The following TENM3 variants were observed in gnomAD, a reference collection of about 807,000 sequenced individuals.
TENM3 encodes teneurin-3.
TENM3 carries 63 observed loss-of-function variants against 255.1 expected under a neutral mutation model. The ratio of observed to expected loss-of-function variants is 0.25; its 90% CI spans 0.20 to 0.30. The LOEUF (loss-of-function observed/expected upper bound fraction) is 0.30. TENM3 is among the 10% of genes least tolerant of loss of function. The pLI is 1.00. For missense variants in TENM3, 2,929 were observed against 3,461.1 expected (o/e 0.85, Z 3.86); for synonymous variants, 1,306 against 1,322.3 (o/e 0.99, Z 0.27).
At chr4:182,388,202 C>T (rs1329259972) in intron 3 of TENM3, among the ~76,000 whole-genome samples, 1 of 152,138 alleles carries the variant, frequency 6.6e-6, no homozygotes, top group African/African-American at 2.4e-5. Flanking sequence ...AAAGTTCCAT[C>T]GCCACTTCTC....
At chr4:181,974,011 G>A in the TENM3 span, among the ~76,000 whole-genome samples, 3 of 152,192 alleles carry the variant, frequency 2.0e-5, no homozygotes, top group East Asian at 5.8e-4. Context: ...CCTGTGAAAG[G>A]AGAGAGGGAA....
At chr4:181,916,667 A>G in the TENM3 span, among the ~76,000 whole-genome samples, 1 of 152,170 alleles carries the variant, frequency 6.6e-6, no homozygotes, top group African/African-American at 2.4e-5. Flanking sequence ...TCACGAGGTC[A>G]GGAGATCGAG....
intron 1 of TENM3, among the ~76,000 whole-genome samples, chr4:182,319,247 T>A (rs1391754549): frequency 6.6e-6 from 1 of 152,254 alleles, no homozygotes; most frequent in Middle Eastern, 3.2e-3. Context: ...GCAGTCACTA[T>A]CAAAGTGCTC....
chr4:182,600,804 A>T (rs750402995), intron 3 of TENM3, 120 bp from the exon 4 acceptor site: 9 of 505,792 alleles, frequency 1.8e-5, no homozygotes, highest in Non-Finnish European at 3.0e-5. Flanking sequence ...TTATGGATTT[A>T]TATGCAGTTT....
rs997512852 is a variant in TENM3, at chr4:182,574,131, C to T, written c.512-26793C>T. On this transcript the variant is annotated intron_variant, in intron 3 of 27. Coordinates refer to ENST00000511685, the MANE Select transcript of TENM3 (RefSeq NM_001080477.4). ...CTTTCTCATAATTTATCCCAACTCT[C>T]ATAATTTTTTATTACAACAAACTTG... is the stretch of plus-strand genomic sequence containing the variant. Among the ~76,000 whole-genome samples the T allele has an allele frequency of 8.5e-5, 13 of 152,226 alleles. No homozygotes were observed. The South Asian group carries it at 2.5e-3, about 29-fold the overall frequency.
chr4:182,801,507 T>C lies in TENM3; in HGVS notation c.*1156T>C, dbSNP rs1561277298. On this transcript the variant is annotated 3_prime_UTR_variant, in exon 28 of 28. Coordinates refer to ENST00000511685, the MANE Select transcript of TENM3 (RefSeq NM_001080477.4). ...GCAAGTCAATGGGGAGTTGTTGATA[T>C]AATTAACCCCGAGGTTTTTACTGTT... The C allele has an allele frequency of 6.6e-6, 1 of 152,210 alleles. No homozygotes were observed. Among genetic ancestry groups the C allele is most frequent in the Non-Finnish European group, 1.5e-5 (1 of 68,032 alleles). 9.4% of individuals were successfully genotyped at this position (152,210 alleles called of 1,614,324 possible).
the TENM3 span, among the ~76,000 whole-genome samples, chr4:182,103,222 G>T: frequency 6.6e-6 from 1 of 152,160 alleles, no homozygotes; most frequent in African/African-American, 2.4e-5. Context: ...ATACAAGTAT[G>T]CCTAGTGAGT....
upstream of TENM3, among the ~76,000 whole-genome samples, chr4:182,241,112 C>A (rs1483638270): frequency 2.0e-5 from 3 of 152,188 alleles, no homozygotes; most frequent in Non-Finnish European, 4.4e-5. Flanking sequence ...GTTTAACACT[C>A]GTGCTGAAAT....
chr4:181,855,070 T>C, the TENM3 span, among the ~76,000 whole-genome samples: 1 of 152,182 alleles, frequency 6.6e-6, no homozygotes, highest in African/African-American at 2.4e-5. Flanking sequence ...ATACAAGAAC[T>C]GAGTTCTGTT....
At chr4:182,512,031 A>C (rs1737452242) in intron 3 of TENM3, among the ~76,000 whole-genome samples, 1 of 152,204 alleles carries the variant, frequency 6.6e-6, no homozygotes, top group Non-Finnish European at 1.5e-5. Context: ...GGTAGATCAG[A>C]CATTCTCATC....
the TENM3 span, among the ~76,000 whole-genome samples, chr4:182,057,653 C>T: frequency 1.3e-5 from 2 of 151,884 alleles, no homozygotes; most frequent in South Asian, 2.1e-4. Flanking sequence ...CCCCTGCCTT[C>T]GCCTCCCAAG....
intron 24 of TENM3, among the ~76,000 whole-genome samples, chr4:182,784,978 C>T (rs1047766369): frequency 5.3e-5 from 8 of 152,290 alleles, no homozygotes; most frequent in South Asian, 2.1e-4. Context: ...GGGATGAACC[C>T]GGTACCTCAG....
chr4:182,488,379 T>C (rs1734960266), intron 3 of TENM3, among the ~76,000 whole-genome samples: 2 of 152,168 alleles, frequency 1.3e-5, no homozygotes, highest in Admixed American at 6.6e-5. Context: ...TTAGATGGTG[T>C]CACTGAGGAG....
chr4:181,977,525 C>T, the TENM3 span, among the ~76,000 whole-genome samples: 7 of 152,112 alleles, frequency 4.6e-5, no homozygotes, highest in South Asian at 1.5e-3. Context: ...AGAGACAGTT[C>T]TGGAAGGCTG....
At chr4:182,041,724 A>C in the TENM3 span, among the ~76,000 whole-genome samples, 2 of 152,300 alleles carry the variant, frequency 1.3e-5, no homozygotes, top group East Asian at 1.9e-4. Context: ...AGAACTAAAG[A>C]CTTCTTTAAA....
chr4:181,757,660 C>T, the TENM3 span, among the ~76,000 whole-genome samples: 1 of 152,278 alleles, frequency 6.6e-6, no homozygotes, highest in African/African-American at 2.4e-5. Context: ...TTACCACTCA[C>T]ATCTAGTTTG....
chr4:182,609,194 T>C (rs954327758), intron 4 of TENM3, among the ~76,000 whole-genome samples: 2 of 152,202 alleles, frequency 1.3e-5, no homozygotes, highest in African/African-American at 2.4e-5. Flanking sequence ...GGGTCTGCTA[T>C]GCAGTCTACC....
the TENM3 span, among the ~76,000 whole-genome samples, chr4:181,969,585 T>G: frequency 6.6e-6 from 1 of 152,208 alleles, no homozygotes; most frequent in Non-Finnish European, 1.5e-5. Flanking sequence ...CTCACAAAAG[T>G]AAATGTGTTA....
At chr4:181,562,155 T>A in the TENM3 span, among the ~76,000 whole-genome samples, 1 of 152,194 alleles carries the variant, frequency 6.6e-6, no homozygotes, top group East Asian at 1.9e-4. Flanking sequence ...ACTTAATTAG[T>A]TTCTTTGTTT....
Sources: gnomAD v4.1 joint callset for allele counts (sites outside exome capture counted in the v4.1 genomes callset) on GRCh38, gnomAD v4.1.1 for gene constraint, MANE v1.5 for transcripts, NCBI Gene and HGNC (gene_info 2026-07-23, HGNC 2026-07-21) for gene names.